Variants in NUSAP1 observed in about 807,000 individuals in gnomAD.
The protein encoded by NUSAP1 is nucleolar and spindle associated protein 1, also known as nucleolar and spindle-associated protein 1.
In NUSAP1, 32 loss-of-function variants were observed where a neutral mutation model predicts 52.8. The ratio of observed to expected loss-of-function variants is 0.61; its 90% confidence interval spans 0.46 to 0.81. The LOEUF is 0.81. Among genes scored for constraint, NUSAP1 ranks in the 40% least tolerant of loss-of-function variants. The pLI, the probability that NUSAP1 is intolerant of heterozygous loss-of-function variation, is 0.00. For missense variants in NUSAP1, 499 were observed against 522.3 expected, an observed-to-expected ratio of 0.96 and a Z score of 0.43; for synonymous variants, 195 against 183.1, an observed-to-expected ratio of 1.06 and a Z score of -0.52.
intron 1 of NUSAP1, among the ~76,000 whole-genome samples, chr15:41,335,982 C>T (rs995939651): frequency 2.0e-5 from 3 of 150,648 alleles, no homozygotes; most frequent in South Asian, 2.1e-4. Flanking sequence ...AATTTATGGC[C>T]GGGCATGGTG....
intron 6 of NUSAP1, among the ~76,000 whole-genome samples, chr15:41,362,979 G>T (rs1017465545): frequency 6.6e-6 from 1 of 151,772 alleles, no homozygotes. Context: ...TCAAAAAAAT[G>T]TATAGACATA....
chr15:41,362,649 C>T (rs1187779804), intron 6 of NUSAP1, among the ~76,000 whole-genome samples: 4 of 151,660 alleles, frequency 2.6e-5, no homozygotes, highest in Admixed American at 6.6e-5. Flanking sequence ...CCAGGATGGT[C>T]TGAATCTCCT....
intron 5 of NUSAP1, among the ~76,000 whole-genome samples, chr15:41,356,476 T>A (rs549238775): frequency 6.7e-6 from 1 of 149,996 alleles, no homozygotes; most frequent in Non-Finnish European, 1.5e-5. Context: ...TGACTCAGCC[T>A]CCCTAGTAGC....
At chr15:41,368,885 A>T (rs752076495) in intron 7 of NUSAP1, among the ~76,000 whole-genome samples, 1 of 151,700 alleles carries the variant, frequency 6.6e-6, no homozygotes, top group Non-Finnish European at 1.5e-5. Flanking sequence ...GGTGTGTGCC[A>T]CTACATTCAG....
At chr15:41,362,367 A>G (rs1052250531) in intron 6 of NUSAP1, among the ~76,000 whole-genome samples, 1 of 149,884 alleles carries the variant, frequency 6.7e-6, no homozygotes, top group Admixed American at 6.7e-5. Context: ...ATTCTTATTT[A>G]TCTATATTAA....
intron 2 of NUSAP1, 103 bp downstream of exon 2, chr15:41,342,557 G>A (rs2048402416): frequency 4.4e-6 from 4 of 910,962 alleles, no homozygotes; most frequent in Non-Finnish European, 6.8e-6. Flanking sequence ...CATGCTGTTG[G>A]CCAGGTGTTG....
chr15:41,353,184 T>C (rs2048839968), intron 4 of NUSAP1, among the ~76,000 whole-genome samples: 1 of 152,158 alleles, frequency 6.6e-6, no homozygotes, highest in African/African-American at 2.4e-5. Flanking sequence ...AGAGTCTCTC[T>C]CTGTTGCCCA....
chr15:41,344,804 G>T (rs1326527352), intron 2 of NUSAP1, among the ~76,000 whole-genome samples: 1 of 152,092 alleles, frequency 6.6e-6, no homozygotes, highest in Non-Finnish European at 1.5e-5. Flanking sequence ...AGCCGAGCAT[G>T]GATGCACACA....
chr15:41,334,083 TA>T (rs2048025447), intron 1 of NUSAP1, among the ~76,000 whole-genome samples: 1 of 151,734 alleles, frequency 6.6e-6, no homozygotes, highest in Non-Finnish European at 1.5e-5. Flanking sequence ...AGTAAATGCT[TA>T]AATCAATCGT....
chr15:41,361,756 G>A (rs1437185771), intron 6 of NUSAP1, among the ~76,000 whole-genome samples: 2 of 152,080 alleles, frequency 1.3e-5, no homozygotes, highest in Non-Finnish European at 2.9e-5. Context: ...CCATCTGAAT[G>A]AGTTTAGTTC....
intron 8 of NUSAP1, among the ~76,000 whole-genome samples, chr15:41,373,891 G>A (rs558015071): frequency 1.8e-4 from 28 of 152,118 alleles, no homozygotes; most frequent in South Asian, 1.7e-3. Flanking sequence ...AAAAGTTACC[G>A]TCATTTCCTT....
intron 2 of NUSAP1, among the ~76,000 whole-genome samples, chr15:41,347,877 T>A (rs2048637301): frequency 6.6e-6 from 1 of 150,946 alleles, no homozygotes; most frequent in Admixed American, 6.6e-5. Context: ...AATCCCAACA[T>A]TTTGCGAGGC....
intron 5 of NUSAP1, 148 bp downstream of exon 5, chr15:41,356,288 C>A: frequency 1.6e-6 from 1 of 644,160 alleles, no homozygotes; most frequent in Non-Finnish European, 2.8e-6. Context: ...GGAACTTACT[C>A]ATCCTCAATA....
intron 2 of NUSAP1, 98 bp from the exon 3 acceptor site, chr15:41,349,000 C>A: frequency 8.2e-7 from 1 of 1,224,790 alleles, no homozygotes; most frequent in Non-Finnish European, 1.1e-6. Context: ...TTTTCTTTTG[C>A]ATATGTAATA....
chr15:41,377,639 C>T (rs1045597482), intron 10 of NUSAP1, among the ~76,000 whole-genome samples: 2 of 146,420 alleles, frequency 1.4e-5, no homozygotes, highest in Non-Finnish European at 3.0e-5. Flanking sequence ...GCAGAGCTTG[C>T]AGTGAGCCGA....
At chr15:41,349,028 C>G in intron 2 of NUSAP1, 70 bp from the exon 3 acceptor site, 1 of 1,458,224 alleles carries the variant, frequency 6.9e-7, no homozygotes, top group Non-Finnish European at 9.4e-7. Context: ...TATTCTGTCT[C>G]AATTCTGATT....
At position 41,380,812 on chromosome 15, in the gene NUSAP1, TA is replaced by T. The variant is rs143323415; in HGVS notation, c.*630del. On this transcript the variant is annotated 3_prime_UTR_variant, in exon 11 of 11. Coordinates refer to ENST00000559596, the MANE Select transcript of NUSAP1 (RefSeq NM_016359.5). ...ACAACTCATTCTAACATTGCTTACT[TA>T]AAAGCTACATAGCCCTATCGAAATG... 1.3e-5 allele frequency: 2 copies of T among 152,390 alleles called. No individual in the cohort carries two copies. The highest frequency in any genetic ancestry group is 4.8e-5 in the African/African-American group (2 of 41,590). 9.4% of individuals were successfully genotyped at this position (152,390 alleles called of 1,614,324 possible).
intron 9 of NUSAP1, 87 bp from the exon 10 acceptor site, chr15:41,377,109 G>C (rs1178829501): frequency 2.9e-6 from 2 of 691,840 alleles, no homozygotes; most frequent in African/African-American, 1.9e-5. Context: ...AATGTTGATA[G>C]CAGGTAACCC....
intron 10 of NUSAP1, among the ~76,000 whole-genome samples, chr15:41,379,001 T>TA (rs2140889476): frequency 7.9e-6 from 1 of 126,172 alleles, no homozygotes; most frequent in South Asian, 2.9e-4. Flanking sequence ...ATGCCCAGGC[T>TA]AGAGTGTGGT....
Sources: gnomAD v4.1 joint callset for allele counts (sites outside exome capture counted in the v4.1 genomes callset) on GRCh38, gnomAD v4.1.1 for gene constraint, MANE v1.5 for transcripts, NCBI Gene and HGNC (gene_info 2026-07-23, HGNC 2026-07-21) for gene names.